Variants in TBCA observed in about 807,000 individuals in gnomAD.
The protein encoded by TBCA is tubulin-specific chaperone A.
A neutral mutation model predicts 15.8 loss-of-function variants in TBCA; 6 were observed. That is an observed-to-expected ratio of 0.38 (90% CI 0.21 to 0.75). The LOEUF is 0.75. Among genes scored for constraint, TBCA ranks in the 30% least tolerant of loss-of-function variants. TBCA has a pLI of 0.46. For missense variants in TBCA, 90 were observed against 131.2 expected (o/e 0.69, Z 1.53); for synonymous variants, 32 against 42.3 (o/e 0.76, Z 0.94).
At chr5:77,754,787 A>C (rs935672281) in intron 1 of TBCA, among the ~76,000 whole-genome samples, 1 of 152,238 alleles carries the variant, frequency 6.6e-6, no homozygotes, top group Non-Finnish European at 1.5e-5. Flanking sequence ...AGAGATAAAA[A>C]TGAAATTGTT....
chr5:77,724,625 C>A (rs1417474731), intron 1 of TBCA, among the ~76,000 whole-genome samples: 1 of 152,098 alleles, frequency 6.6e-6, no homozygotes, highest in Non-Finnish European at 1.5e-5. Context: ...CACACTTCAA[C>A]AAAGTCATAC....
At chr5:77,724,541 T>A (rs1011918657) in intron 1 of TBCA, among the ~76,000 whole-genome samples, 1 of 152,138 alleles carries the variant, frequency 6.6e-6, no homozygotes, top group Non-Finnish European at 1.5e-5. Flanking sequence ...AAGTACTTTA[T>A]ATAGTTATGG....
At chr5:77,749,519 T>G (rs1747265869) in intron 1 of TBCA, among the ~76,000 whole-genome samples, 1 of 152,260 alleles carries the variant, frequency 6.6e-6, no homozygotes, top group African/African-American at 2.4e-5. Context: ...TTTGTTTTAA[T>G]TTCTTTGATA....
At chr5:77,702,177 A>T (rs1746034632) in intron 2 of TBCA, among the ~76,000 whole-genome samples, 1 of 152,116 alleles carries the variant, frequency 6.6e-6, no homozygotes, top group African/African-American at 2.4e-5. Flanking sequence ...TGTGCCCCCA[A>T]AACCTACAGA....
At chr5:77,774,396 G>A (rs1747975944) in intron 1 of TBCA, among the ~76,000 whole-genome samples, 1 of 152,136 alleles carries the variant, frequency 6.6e-6, no homozygotes, top group Non-Finnish European at 1.5e-5. Context: ...TTTTAAGTCT[G>A]ATAAGAAACA....
rs140840757 is a variant in TBCA at position 77,765,109 on chromosome 5, G to A, written c.53+11096C>T. Among the ~76,000 whole-genome samples the A allele has an allele frequency of 5.1e-3, 770 of 151,976 alleles. 2 individuals carry two copies. Among genetic ancestry groups the A allele is most frequent in the African/African-American group, 0.017 (720 of 41,444 alleles). On this transcript the variant is annotated intron_variant, in intron 1 of 3. Coordinates refer to ENST00000380377, the MANE Select transcript of TBCA (RefSeq NM_004607.3). ...AAAACAAAACAAAAAATAGAAAAAC[G>A]GCACTATTTTACATTTTTGCAAATC...
At chr5:77,700,908 T>C (rs1026772062) in intron 2 of TBCA, among the ~76,000 whole-genome samples, 1 of 152,146 alleles carries the variant, frequency 6.6e-6, no homozygotes, top group Non-Finnish European at 1.5e-5. Flanking sequence ...TCTCATCTTA[T>C]ACAAAAATCA....
intron 1 of TBCA, among the ~76,000 whole-genome samples, chr5:77,756,878 G>T (rs150872270): frequency 6.6e-6 from 1 of 150,824 alleles, no homozygotes; most frequent in African/African-American, 2.4e-5. Flanking sequence ...ACAGGTGAAT[G>T]CACCTTTGTT....
chr5:77,698,573 C>T (rs905857053), intron 2 of TBCA, among the ~76,000 whole-genome samples: 1 of 152,082 alleles, frequency 6.6e-6, no homozygotes, highest in African/African-American at 2.4e-5. Flanking sequence ...GACAATTCTA[C>T]CAAACATTTA....
At chr5:77,761,640 T>C (rs1015806902) in intron 1 of TBCA, among the ~76,000 whole-genome samples, 5 of 144,936 alleles carry the variant, frequency 3.4e-5, no homozygotes, top group African/African-American at 5.0e-5. Flanking sequence ...AATAAATACT[T>C]AAAAAAAAAA....
In TBCA at chr5:77,714,861, C is replaced by T. The variant is rs138428703; in HGVS notation, c.54-6514G>A. ...GATTACAGACGTGAGCCACTGCACC[C>T]GGCCAACAATTATTTATTAAAGGGC... On this transcript the variant is annotated intron_variant, in intron 1 of 3. Coordinates refer to ENST00000380377, the MANE Select transcript of TBCA (RefSeq NM_004607.3). Among the ~76,000 whole-genome samples, 525 of 152,018 alleles carry T rather than the reference C, an allele frequency of 3.5e-3. 4 individuals are homozygous for T. Among genetic ancestry groups the T allele is most frequent in the African/African-American group, 0.011 (472 of 41,450 alleles).
intron 1 of TBCA, among the ~76,000 whole-genome samples, chr5:77,723,980 A>T (rs1746578577): frequency 6.6e-6 from 1 of 152,038 alleles, no homozygotes; most frequent in Admixed American, 6.6e-5. Context: ...TAAAATAGTT[A>T]CCCATATGAT....
intron 2 of TBCA, among the ~76,000 whole-genome samples, chr5:77,693,770 G>A (rs1213900797): frequency 7.9e-6 from 1 of 126,434 alleles, no homozygotes; most frequent in Admixed American, 1.0e-4. Context: ...TTGCACTCTG[G>A]CCTGGGCAAC....
chr5:77,756,050 A>AG lies in TBCA; in HGVS notation c.53+20154dup, dbSNP rs1389997231. 4.6e-5 allele frequency among the ~76,000 whole-genome samples: 7 copies of AG among 152,190 alleles called. No individual in the cohort carries two copies. The East Asian group carries it at 5.8e-4, about 13-fold the overall frequency. The stretch of plus-strand genomic sequence containing the variant: ...AAAAAAAACACAAATGGGTTGCCCA[A>AG]GGGGGGTCGTTCTCCTTGTTTTTCC... On this transcript the variant is annotated intron_variant, in intron 1 of 3. Transcript: ENST00000380377.
In TBCA at chr5:77,767,279, G is replaced by A. The variant is rs76407867; in HGVS notation, c.53+8926C>T. On this transcript the variant is annotated intron_variant, in intron 1 of 3. Transcript: ENST00000380377. The stretch of plus-strand genomic sequence containing the variant: ...AACATACTATATAGACAAACAAACC[G>A]AGTTAGAATACACACAAGCACACAC... Among the ~76,000 whole-genome samples, 35 of 152,104 alleles carry A rather than the reference G, an allele frequency of 2.3e-4. No individual in the cohort carries two copies. The East Asian group carries it at 5.8e-3, about 25-fold the overall frequency.
intron 2 of TBCA, among the ~76,000 whole-genome samples, chr5:77,700,679 C>G (rs376388408): frequency 6.6e-6 from 1 of 152,162 alleles, no homozygotes; most frequent in Non-Finnish European, 1.5e-5. Flanking sequence ...AAAAACCACA[C>G]GAATACAACC....
At chr5:77,756,642 A>C (rs1265241378) in intron 1 of TBCA, among the ~76,000 whole-genome samples, 2 of 152,148 alleles carry the variant, frequency 1.3e-5, no homozygotes, top group African/African-American at 2.4e-5. Flanking sequence ...AAAAAAAAAA[A>C]AACAGCTAGG....
chr5:77,741,950 T>C (rs1479002189), intron 1 of TBCA, among the ~76,000 whole-genome samples: 1 of 152,290 alleles, frequency 6.6e-6, no homozygotes, highest in East Asian at 1.9e-4. Context: ...GCTTCATGAA[T>C]AACTAAGTTC....
intron 2 of TBCA, among the ~76,000 whole-genome samples, chr5:77,702,136 A>G (rs1440781095): frequency 1.3e-5 from 2 of 152,090 alleles, no homozygotes; most frequent in South Asian, 2.1e-4. Context: ...AATCACCACT[A>G]AAGAACTTAC....
Sources: gnomAD v4.1 joint callset for allele counts (sites outside exome capture counted in the v4.1 genomes callset) on GRCh38, gnomAD v4.1.1 for gene constraint, MANE v1.5 for transcripts, NCBI Gene and HGNC (gene_info 2026-07-23, HGNC 2026-07-21) for gene names.